The following PRR12 variants were observed in gnomAD, a reference collection of about 807,000 sequenced individuals.
PRR12 encodes the protein proline rich 12.
PRR12 carries 12 observed loss-of-function variants against 138.0 expected under a neutral mutation model. That is an observed-to-expected ratio of 0.09 (90% CI 0.06 to 0.14). PRR12 has a LOEUF of 0.14. Ranked by LOEUF, PRR12 falls within the 10% of genes least tolerant of loss-of-function variation. The probability of loss-of-function intolerance (pLI) is 1.00; values close to 1 mark genes in which losing one functional copy is unlikely to be tolerated. For synonymous variants in PRR12, 1,567 were observed against 1,291.7 expected (o/e 1.21, Z -4.57); for missense variants, 2,692 against 2,861.3 (o/e 0.94, Z 1.35).
chr19:49,596,846 A>G lies in PRR12; in HGVS notation c.2511A>G (p.Pro837=), dbSNP rs771804727. ...GCGATGGGGCACCCCAGCCACCTCC[A>G]CCGCCACCCCCGCCTCCACCACCCA... ...ATRDGAPQPP[P]PPPPPPPPMP... is the part of the protein sequence containing the mutation. Residue 837 remains proline, a synonymous_variant, in exon 4 of 14, where the codon CCA becomes CCG. Coordinates refer to ENST00000418929, the MANE Select transcript of PRR12 (RefSeq NM_020719.3). This position sits in a 1 kb window ranked among gnomAD's most constrained non-coding sequence, Gnocchi z 5.6. 8.6e-6 allele frequency: 9 copies of G among 1,041,140 alleles called. No individual in the cohort carries two copies. Among genetic ancestry groups the G allele is most frequent in the Non-Finnish European group, 9.3e-6 (7 of 752,918 alleles). The allele number at this position is 1,041,140 out of a possible 1,614,324, so 64.5% of individuals were successfully genotyped here. A position where few individuals can be genotyped will look rare whatever the true frequency, so the allele number is the denominator to read the frequency against.
intron 9 of PRR12, among the ~76,000 whole-genome samples, chr19:49,618,975 C>T (rs2080906603): frequency 6.6e-6 from 1 of 152,004 alleles, no homozygotes; most frequent in African/African-American, 2.4e-5. Context: ...AGAAAAAGCC[C>T]TTGCCCTTTC....
chr19:49,597,907 C>T lies in PRR12; in HGVS notation c.3572C>T (p.Ser1191Phe), dbSNP rs1031996186. ...ACCACTGCGGGGCCCGCCTCGGCCT[C>T]CACGCCCACCGATGGCGCCAAGAAA... ...VPTTAGPASA[S>F]TPTDGAKKPR... The change falls in exon 4 of 14, where the codon TCC becomes TTC. Residue 1191 changes from serine (S) to phenylalanine (F), a missense_variant. This residue lies in a region of PRR12 where 326 missense variants were observed against 344.2 expected (regional missense o/e 0.95). Coordinates refer to ENST00000418929, the MANE Select transcript of PRR12 (RefSeq NM_020719.3). This position sits in a 1 kb window ranked among gnomAD's most constrained non-coding sequence, Gnocchi z 6.3. 1.4e-6 allele frequency: 2 copies of T among 1,410,170 alleles called. No individual in the cohort carries two copies. The highest frequency in any genetic ancestry group is 3.2e-5 in the Admixed American group (1 of 30,776). The allele number at this position is 1,410,170 out of a possible 1,614,324, so 87.4% of individuals were successfully genotyped here.
chr19:49,618,311 A>G (rs1363751635), intron 9 of PRR12, among the ~76,000 whole-genome samples: 2 of 151,460 alleles, frequency 1.3e-5, no homozygotes, highest in Non-Finnish European at 2.9e-5. Flanking sequence ...TGGCTTCCCC[A>G]TCTTAGGGAC....
chr19:49,622,916 T>C lies in PRR12; in HGVS notation c.5721+1294T>C, dbSNP rs1221800031. 1.2e-4 allele frequency among the ~76,000 whole-genome samples: 10 copies of C among 81,432 alleles called. 1 individual carries two copies. Among genetic ancestry groups the C allele is most frequent in the African/African-American group, 4.2e-4 (7 of 16,782 alleles). 53.4% of individuals were successfully genotyped at this position (81,432 alleles called of 152,430 possible). ...CAAAAAAAAAACAAAAACATATATATATATATATATATAGAGAGAGAGAGA... is the reference window on the plus strand; with the variant it reads ...CAAAAAAAAAACAAAAACATATATACATATATATATATAGAGAGAGAGAGA... On this transcript the variant is annotated intron_variant, in intron 11 of 13. Coordinates refer to ENST00000418929, the MANE Select transcript of PRR12 (RefSeq NM_020719.3).
intron 2 of PRR12, among the ~76,000 whole-genome samples, chr19:49,593,790 T>C (rs1341975225): frequency 2.0e-5 from 3 of 152,174 alleles, no homozygotes; most frequent in Non-Finnish European, 4.4e-5. Context: ...CTCTGAATTC[T>C]TTCTTCCTGA....
chr19:49,617,180 A>G (rs1349180721), intron 9 of PRR12, among the ~76,000 whole-genome samples: 3 of 152,184 alleles, frequency 2.0e-5, no homozygotes, highest in Non-Finnish European at 4.4e-5. Flanking sequence ...AACAACAAAA[A>G]TAAATATATA....
Position 49,596,651 on chromosome 19 carries a change from G to T in PRR12, c.2316G>T (p.Gln772His). The change falls in exon 4 of 14, where the codon CAG becomes CAT. Residue 772 changes from glutamine to histidine, a missense_variant. Gln to His is a conservative substitution (Grantham distance 24). Coordinates refer to ENST00000418929, the MANE Select transcript of PRR12 (RefSeq NM_020719.3). This position sits in a 1 kb window ranked among gnomAD's most constrained non-coding sequence, Gnocchi z 5.6. ...CTCCGCCCCCACCTCCCACGGCCCAGTCTACCCAGCCCACTCCCCATGGCC... is the reference window on the plus strand; with the variant it reads ...CTCCGCCCCCACCTCCCACGGCCCATTCTACCCAGCCCACTCCCCATGGCC... Reference protein sequence around the residue: ...KSPPPPPPTAQSTQPTPHGLL... With the variant: ...KSPPPPPPTAHSTQPTPHGLL... 2.5e-6 allele frequency: 4 copies of T among 1,602,332 alleles called. No homozygotes were observed. Among genetic ancestry groups the T allele is most frequent in the Non-Finnish European group, 2.6e-6 (3 of 1,176,142 alleles).
chr19:49,603,821 T>TTTTTC (rs897598280), intron 6 of PRR12, among the ~76,000 whole-genome samples: 4 of 151,564 alleles, frequency 2.6e-5, no homozygotes, highest in South Asian at 2.1e-4. Flanking sequence ...TCATTACACT[T>TTTTTC]TTTTCTTTTC....
Position 49,620,404 on chromosome 19 carries a change from C to T in PRR12, c.5550C>T (p.Tyr1850=). 6.2e-7 allele frequency: 1 copy of T among 1,610,690 alleles called. No individual in the cohort carries two copies. Residue 1850 remains tyrosine, a synonymous_variant, in exon 10 of 14, where the codon TAC becomes TAT. Transcript: ENST00000418929. Reference sequence around the variant, plus strand: ...AAACCAGGGCGATGCGGGAGATGTACCGGAGCTACGTGGAGATGTTGGTGA... The same window carrying T: ...AAACCAGGGCGATGCGGGAGATGTATCGGAGCTACGTGGAGATGTTGGTGA... ...LLKTRAMREM[Y]RSYVEMLVST... is the part of the protein sequence containing the mutation.
At chr19:49,619,286 A>G (rs888892361) in intron 9 of PRR12, among the ~76,000 whole-genome samples, 1 of 124,610 alleles carries the variant, frequency 8.0e-6, no homozygotes, top group Non-Finnish European at 1.6e-5. Flanking sequence ...GCTTATTGCC[A>G]GTGCAGTTGT....
Position 49,595,670 on chromosome 19 carries a change from C to A in PRR12, c.1335C>A (p.Pro445=), listed in dbSNP as rs113701280. 6.3e-7 allele frequency: 1 copy of A among 1,598,526 alleles called. No homozygotes were observed. The highest frequency in any genetic ancestry group is 1.1e-5 in the South Asian group (1 of 89,166). ...AGGAGGQAYS[P]GQPQGLLGPQ... is the part of the protein sequence containing the mutation. ...GGGCAGGGGGCCAGGCTTATTCCCC[C>A]GGTCAGCCTCAAGGGCTTCTGGGAC... Residue 445 remains proline, a synonymous_variant, in exon 4 of 14, where the codon CCC becomes CCA. Coordinates refer to ENST00000418929, the MANE Select transcript of PRR12 (RefSeq NM_020719.3).
At chr19:49,615,590 G>GTCAGAGGCCCAGAGAGGGAGGGGA (rs2080887810) in intron 8 of PRR12, among the ~76,000 whole-genome samples, 157 bp from the exon 9 acceptor site, 3 of 110,348 alleles carry the variant, frequency 2.7e-5, no homozygotes, top group Admixed American at 9.0e-5. Flanking sequence ...GAGGGAGGGG[G>GTCAGAGGCCCAGAGAGGGAGGGGA]TCAGAGTCCC....
At position 49,608,503 on chromosome 19, in the gene PRR12, G is replaced by A. The variant is rs544823118; in HGVS notation, c.4774-6030G>A. Among the ~76,000 whole-genome samples the A allele has an allele frequency of 2.4e-3, 372 of 152,004 alleles. 2 individuals are homozygous for A. Among genetic ancestry groups the A allele is most frequent in the African/African-American group, 8.2e-3 (338 of 41,438 alleles). On this transcript the variant is annotated intron_variant, in intron 6 of 13. Transcript: ENST00000418929. ...CTCCTGCCTCAGCCTCCCGAGTAGC[G>A]CAGACTACAGGCAAGTGCCACCACA...
intron 5 of PRR12, among the ~76,000 whole-genome samples, chr19:49,600,835 C>T (rs1057212731): frequency 6.6e-6 from 1 of 152,086 alleles, no homozygotes; most frequent in Non-Finnish European, 1.5e-5. Context: ...AGTGATTCTC[C>T]TGCCTCAGCC....
intron 6 of PRR12, among the ~76,000 whole-genome samples, chr19:49,607,392 T>C (rs1298601299): frequency 2.0e-5 from 3 of 147,090 alleles, no homozygotes; most frequent in Non-Finnish European, 4.6e-5. Flanking sequence ...GAGTTTCAGC[T>C]TGTAATTAAT....
In PRR12 at chr19:49,595,407, G is replaced by A; in HGVS notation, c.1072G>A (p.Ala358Thr). 6.5e-7 allele frequency: 1 copy of A among 1,544,248 alleles called. No homozygotes were observed. The highest frequency in any genetic ancestry group is 1.4e-5 in the African/African-American group (1 of 73,042). Residue 358 changes from alanine (A) to threonine (T), a missense_variant, in exon 4 of 14, where the codon GCA becomes ACA. Ala to Thr is a moderately conservative substitution (Grantham distance 58). Coordinates refer to ENST00000418929, the MANE Select transcript of PRR12 (RefSeq NM_020719.3). Reference protein sequence around the residue: ...KAGPSGATAGASGRATGPEAA... With the variant: ...KAGPSGATAGTSGRATGPEAA... ...TGGTCCCAGCGGAGCCACGGCTGGG[G>A]CATCTGGCCGGGCCACGGGCCCTGA...
chr19:49,613,711 C>A (rs1179472049), intron 6 of PRR12, among the ~76,000 whole-genome samples: 2 of 152,190 alleles, frequency 1.3e-5, no homozygotes, highest in Non-Finnish European at 2.9e-5. Context: ...TGTTTATTTG[C>A]TTGTCTGTCT....
At chr19:49,607,361 GCACA>G (rs72175242) in intron 6 of PRR12, among the ~76,000 whole-genome samples, 2 of 147,858 alleles carry the variant, frequency 1.4e-5, no homozygotes, top group East Asian at 2.0e-4. Flanking sequence ...ATGTACGTGT[GCACA>G]CACACACACA....
At chr19:49,620,537 G>T in intron 10 of PRR12, 60 bp downstream of exon 10, 1 of 1,546,908 alleles carries the variant, frequency 6.5e-7, no homozygotes, top group Non-Finnish European at 8.7e-7. Flanking sequence ...AGCAGGTGCT[G>T]AGGGCTTGGA....
Sources: gnomAD v4.1 joint callset for allele counts (sites outside exome capture counted in the v4.1 genomes callset) on GRCh38, gnomAD v4.1.1 for gene constraint, gnomAD v4.1.1 regional missense constraint, Gnocchi (gnomAD v3.1) non-coding constraint, MANE v1.5 for transcripts, NCBI Gene and HGNC (gene_info 2026-07-23, HGNC 2026-07-21) for gene names.